The following OSBPL10 variants were observed in gnomAD, a reference collection of about 807,000 sequenced individuals.
OSBPL10 encodes oxysterol-binding protein-related protein 10.
In OSBPL10, 49 loss-of-function variants were observed where a neutral mutation model predicts 81.7. That is an observed-to-expected ratio of 0.60 (90% CI 0.48 to 0.76). OSBPL10 has a LOEUF of 0.76. Among genes scored for constraint, OSBPL10 ranks in the 30% least tolerant of loss-of-function variants. The pLI is 0.00. For missense variants in OSBPL10, 923 were observed against 987.8 expected (o/e 0.93, Z 0.88); for synonymous variants, 419 against 383.6 (o/e 1.09, Z -1.08).
At chr3:31,794,233 C>A (rs1452270763) in intron 4 of OSBPL10, among the ~76,000 whole-genome samples, 6 of 152,222 alleles carry the variant, frequency 3.9e-5, no homozygotes, top group Non-Finnish European at 2.9e-5. Context: ...TAACCTCTAC[C>A]TCCTGGGTTC....
intron 2 of OSBPL10, among the ~76,000 whole-genome samples, chr3:32,045,494 G>A (rs1212044495): frequency 6.6e-6 from 1 of 152,190 alleles, no homozygotes. Context: ...TTGTGTACAC[G>A]GTGAAAAGTC....
intron 6 of OSBPL10, among the ~76,000 whole-genome samples, chr3:31,725,374 A>T (rs970601131): frequency 6.6e-6 from 1 of 152,118 alleles, no homozygotes; most frequent in Non-Finnish European, 1.5e-5. Context: ...ACATTTGCCT[A>T]AAGGATGAAC....
intron 4 of OSBPL10, among the ~76,000 whole-genome samples, chr3:31,750,388 T>C (rs952847190): frequency 6.6e-6 from 1 of 152,202 alleles, no homozygotes; most frequent in African/African-American, 2.4e-5. Flanking sequence ...TACCTACCTA[T>C]TGAATGAATG....
chr3:31,866,792 C>T (rs1559497855), intron 3 of OSBPL10, among the ~76,000 whole-genome samples: 1 of 152,014 alleles, frequency 6.6e-6, no homozygotes, highest in Non-Finnish European at 1.5e-5. Context: ...ACCACAAGGC[C>T]ACAAGTGAAT....
Position 31,936,998 on chromosome 3 carries a change from G to A in OSBPL10, c.281+43901C>T, listed in dbSNP as rs116972331. On this transcript the variant is annotated intron_variant, in intron 1 of 11. Transcript: ENST00000396556. Reference sequence around the variant, plus strand: ...GTAAACAGGCCTCTAGAAAGTCAGAGGAATGGCTGGGTGCAGTGGCTTATG... The same window carrying A: ...GTAAACAGGCCTCTAGAAAGTCAGAAGAATGGCTGGGTGCAGTGGCTTATG... Among the ~76,000 whole-genome samples, 2,512 of 152,250 alleles carry A rather than the reference G, an allele frequency of 0.016. 234 individuals carry two copies. In the East Asian group the frequency reaches 0.26, roughly 15 times the overall value.
chr3:31,667,849 G>A (rs965917630), intron 10 of OSBPL10, among the ~76,000 whole-genome samples: 1 of 152,208 alleles, frequency 6.6e-6, no homozygotes, highest in African/African-American at 2.4e-5. Context: ...GTTTGCTGAT[G>A]TCCTACATTA....
intron 8 of OSBPL10, among the ~76,000 whole-genome samples, chr3:31,683,205 T>C (rs1559413613): frequency 6.6e-6 from 1 of 152,234 alleles, no homozygotes; most frequent in Non-Finnish European, 1.5e-5. Flanking sequence ...GTTTTGGGAA[T>C]TTTTACGAGC....
chr3:31,766,399 G>A (rs1213964001), intron 4 of OSBPL10, among the ~76,000 whole-genome samples: 1 of 139,548 alleles, frequency 7.2e-6, no homozygotes, highest in Non-Finnish European at 1.5e-5. Context: ...CTAGAGTGCA[G>A]TGGCACAATC....
intron 4 of OSBPL10, among the ~76,000 whole-genome samples, chr3:31,828,083 A>G (rs899320341): frequency 3.9e-5 from 6 of 152,220 alleles, no homozygotes; most frequent in African/African-American, 1.4e-4. Flanking sequence ...AATAAAGAAT[A>G]TTATCAAAAT....
intron 1 of OSBPL10, among the ~76,000 whole-genome samples, chr3:31,971,407 TG>T: frequency 6.6e-6 from 1 of 152,324 alleles, no homozygotes; most frequent in East Asian, 1.9e-4. Flanking sequence ...CCCAGTGTGC[TG>T]GGATTACAGG....
chr3:31,898,875 T>C (rs1696142789), intron 1 of OSBPL10, among the ~76,000 whole-genome samples: 1 of 151,622 alleles, frequency 6.6e-6, no homozygotes, highest in Non-Finnish European at 1.5e-5. Flanking sequence ...AACTAAAGTT[T>C]GACATAGGAG....
chr3:31,782,036 A>T (rs1698710110), intron 4 of OSBPL10, among the ~76,000 whole-genome samples: 1 of 152,220 alleles, frequency 6.6e-6, no homozygotes, highest in Non-Finnish European at 1.5e-5. Flanking sequence ...GAGGCATCAC[A>T]TTACCTGACT....
intron 1 of OSBPL10, among the ~76,000 whole-genome samples, chr3:31,942,684 G>C (rs1697573805): frequency 6.6e-6 from 1 of 151,982 alleles, no homozygotes; most frequent in Admixed American, 6.6e-5. Context: ...TAAAGCACAG[G>C]CATGTCTGTA....
chr3:31,778,913 T>C (rs2125764871), intron 4 of OSBPL10, among the ~76,000 whole-genome samples: 1 of 152,300 alleles, frequency 6.6e-6, no homozygotes, highest in Admixed American at 6.5e-5. Flanking sequence ...ATCCTATCTT[T>C]AGCCTCCTCA....
intron 1 of OSBPL10, among the ~76,000 whole-genome samples, chr3:31,882,720 G>C (rs1346038503): frequency 6.6e-6 from 1 of 152,106 alleles, no homozygotes; most frequent in Non-Finnish European, 1.5e-5. Flanking sequence ...AGCACAACTT[G>C]GGAGAGCCTG....
At chr3:32,057,359 T>A (rs1250290864) in intron 1 of OSBPL10, among the ~76,000 whole-genome samples, 1 of 152,160 alleles carries the variant, frequency 6.6e-6, no homozygotes, top group African/African-American at 2.4e-5. Flanking sequence ...ATAACAGTCA[T>A]GCCATTGACC....
chr3:31,849,792 C>T (rs1700716549), intron 3 of OSBPL10, among the ~76,000 whole-genome samples: 1 of 152,158 alleles, frequency 6.6e-6, no homozygotes, highest in Admixed American at 6.5e-5. Context: ...AATCCCAGCA[C>T]TTTGGGAGGC....
At chr3:31,685,409 C>T (rs1700766019) in intron 7 of OSBPL10, among the ~76,000 whole-genome samples, 1 of 152,164 alleles carries the variant, frequency 6.6e-6, no homozygotes, top group African/African-American at 2.4e-5. Flanking sequence ...CACCATGTTG[C>T]CCAGGCTCAT....
intron 1 of OSBPL10, among the ~76,000 whole-genome samples, chr3:31,977,679 T>G (rs1411625498): frequency 2.6e-5 from 4 of 152,200 alleles, no homozygotes; most frequent in African/African-American, 9.6e-5. Flanking sequence ...TCTCATCACC[T>G]TTTTTTAACC....
Sources: gnomAD v4.1 joint callset for allele counts (sites outside exome capture counted in the v4.1 genomes callset) on GRCh38, gnomAD v4.1.1 for gene constraint, MANE v1.5 for transcripts, NCBI Gene and HGNC (gene_info 2026-07-23, HGNC 2026-07-21) for gene names.